The following RAB38 variants were observed in gnomAD, a reference collection of about 807,000 sequenced individuals.
RAB38 encodes RAB38, member RAS oncogene family.
In RAB38, 15 loss-of-function variants were observed where a neutral mutation model predicts 18.4. The observed-to-expected ratio is 0.82, with a 90% CI of 0.55 to 1.26. The LOEUF (loss-of-function observed/expected upper bound fraction) is 1.26, where lower values mean the gene tolerates loss of function less well. Ranked by LOEUF, RAB38 falls within the 50% of genes most tolerant of loss-of-function variation. The pLI, the probability that RAB38 is intolerant of heterozygous loss-of-function variation, is 0.00. For missense variants in RAB38, 294 were observed against 267.4 expected (o/e 1.10, Z -0.69); for synonymous variants, 101 against 104.4 (o/e 0.97, Z 0.20).
chr11:87,808,010 A>G, the RAB38 span, among the ~76,000 whole-genome samples: 3 of 152,216 alleles, frequency 2.0e-5, no homozygotes, highest in Admixed American at 6.5e-5. Context: ...TGTGTGTTGC[A>G]GAGTCTCAGC....
At chr11:87,878,210 T>C in the RAB38 span, among the ~76,000 whole-genome samples, 1 of 118,374 alleles carries the variant, frequency 8.4e-6, no homozygotes, top group Non-Finnish European at 1.6e-5. Context: ...TAAACATATA[T>C]ATATATATAT....
chr11:88,082,094 G>A, the RAB38 span, among the ~76,000 whole-genome samples: 1 of 151,804 alleles, frequency 6.6e-6, no homozygotes, highest in African/African-American at 2.4e-5. Context: ...TAGTTGCCAG[G>A]GATTGGGATG....
chr11:87,851,436 G>A, the RAB38 span, among the ~76,000 whole-genome samples: 6 of 152,156 alleles, frequency 3.9e-5, no homozygotes, highest in Non-Finnish European at 8.8e-5. Flanking sequence ...ACTACTTAAA[G>A]GCAGTATTTA....
At chr11:87,863,192 A>G in the RAB38 span, among the ~76,000 whole-genome samples, 1 of 151,988 alleles carries the variant, frequency 6.6e-6, no homozygotes, top group South Asian at 2.1e-4. Context: ...TTCAAATATC[A>G]GTTCTGCAAA....
At chr11:87,977,498 T>TATA in the RAB38 span, among the ~76,000 whole-genome samples, 7 of 106,198 alleles carry the variant, frequency 6.6e-5, no homozygotes, top group South Asian at 2.9e-4. Context: ...ATAATATAAT[T>TATA]TTATATGATT....
the RAB38 span, among the ~76,000 whole-genome samples, chr11:87,927,585 A>G: frequency 6.6e-6 from 1 of 151,838 alleles, no homozygotes. Flanking sequence ...TGGGGAAATC[A>G]CCCTCTCTCT....
chr11:87,925,945 T>G, the RAB38 span, among the ~76,000 whole-genome samples: 1 of 151,834 alleles, frequency 6.6e-6, no homozygotes, highest in Non-Finnish European at 1.5e-5. Flanking sequence ...GATCAGGAAG[T>G]CTTTACGGAG....
the RAB38 span, among the ~76,000 whole-genome samples, chr11:87,861,150 G>A: frequency 6.6e-6 from 1 of 151,884 alleles, no homozygotes; most frequent in Non-Finnish European, 1.5e-5. Context: ...GCTGCAGACT[G>A]TCCACGTTAA....
the RAB38 span, among the ~76,000 whole-genome samples, chr11:88,101,449 T>C: frequency 2.6e-5 from 4 of 152,108 alleles, no homozygotes; most frequent in African/African-American, 7.2e-5. Flanking sequence ...ATATGATTTA[T>C]ATTCACCTTC....
chr11:87,864,997 G>A, the RAB38 span, among the ~76,000 whole-genome samples: 1 of 151,674 alleles, frequency 6.6e-6, no homozygotes, highest in Non-Finnish European at 1.5e-5. Flanking sequence ...TGTCATCTAC[G>A]CTTTGCGATT....
At chr11:88,160,686 T>C (rs1459690816) in intron 1 of RAB38, among the ~76,000 whole-genome samples, 2 of 152,092 alleles carry the variant, frequency 1.3e-5, no homozygotes, top group Non-Finnish European at 2.9e-5. Flanking sequence ...TGCAGCAACA[T>C]AGATGTAGCT....
intron 2 of RAB38, among the ~76,000 whole-genome samples, chr11:88,133,035 A>T (rs544074796): frequency 1.3e-5 from 2 of 152,276 alleles, no homozygotes; most frequent in South Asian, 4.1e-4. Context: ...CAATAGAAAT[A>T]TTGTGGTCTA....
At chr11:87,973,989 T>C in the RAB38 span, among the ~76,000 whole-genome samples, 1 of 151,560 alleles carries the variant, frequency 6.6e-6, no homozygotes, top group African/African-American at 2.4e-5. Context: ...AATCCATCAT[T>C]CTTTACCTGT....
intron 1 of RAB38, among the ~76,000 whole-genome samples, chr11:88,164,482 G>A (rs1943225210): frequency 6.6e-6 from 1 of 152,044 alleles, no homozygotes; most frequent in Admixed American, 6.6e-5. Flanking sequence ...AAATCAATGT[G>A]AAACAGGAAA....
the RAB38 span, among the ~76,000 whole-genome samples, chr11:87,857,575 A>G: frequency 1.3e-5 from 2 of 152,172 alleles, no homozygotes; most frequent in African/African-American, 4.8e-5. Flanking sequence ...GTGAGATGGT[A>G]TCTCATTGTG....
At chr11:87,910,628 A>ATTTTTTTT in the RAB38 span, among the ~76,000 whole-genome samples, 5 of 74,194 alleles carry the variant, frequency 6.7e-5, no homozygotes, top group African/African-American at 3.0e-4. Context: ...TTCAAAGTTC[A>ATTTTTTTT]TTTTCTTTTT....
Position 88,172,755 on chromosome 11 carries a change from A to G in RAB38, c.202+2428T>C, listed in dbSNP as rs147284816. Among the ~76,000 whole-genome samples the G allele has an allele frequency of 5.3e-3, 800 of 152,348 alleles. 7 individuals are homozygous for G. The highest frequency in any genetic ancestry group is 0.019 in the African/African-American group (772 of 41,570). ...GAACTCATAACCCACATGGCTCCCT[A>G]TGCAGCTTAAACCATGAAACATGGA... is the stretch of plus-strand genomic sequence containing the variant. On this transcript the variant is annotated intron_variant, in intron 1 of 2. Coordinates refer to ENST00000243662, the MANE Select transcript of RAB38 (RefSeq NM_022337.3).
chr11:87,976,499 T>C, the RAB38 span, among the ~76,000 whole-genome samples: 1 of 87,330 alleles, frequency 1.1e-5, no homozygotes, highest in Non-Finnish European at 2.0e-5. Context: ...TATATTTATA[T>C]ATTTGTAATA....
chr11:87,939,766 C>G, the RAB38 span, among the ~76,000 whole-genome samples: 1 of 152,010 alleles, frequency 6.6e-6, no homozygotes, highest in South Asian at 2.1e-4. Context: ...GTGGCTCACG[C>G]CTGTATTCCC....
Sources: gnomAD v4.1 joint callset for allele counts (sites outside exome capture counted in the v4.1 genomes callset) on GRCh38, gnomAD v4.1.1 for gene constraint, MANE v1.5 for transcripts, NCBI Gene and HGNC (gene_info 2026-07-23, HGNC 2026-07-21) for gene names.